Variants in PARD3B observed in about 807,000 individuals in gnomAD.
The protein encoded by PARD3B is partitioning defective 3 homolog B.
A neutral mutation model predicts 130.2 loss-of-function variants in PARD3B; 103 were observed. The observed-to-expected ratio is 0.79, with a 90% CI of 0.67 to 0.93. The LOEUF (loss-of-function observed/expected upper bound fraction) is 0.93. Among genes scored for constraint, PARD3B ranks in the 40% least tolerant of loss-of-function variants. The pLI, the probability that PARD3B is intolerant of heterozygous loss-of-function variation, is 0.00. For synonymous variants in PARD3B, 583 were observed against 553.2 expected (o/e 1.05, Z -0.76); for missense variants, 1,609 against 1,499.2 (o/e 1.07, Z -1.21).
At chr2:204,877,637 G>A (rs929554516) in intron 2 of PARD3B, among the ~76,000 whole-genome samples, 2 of 152,082 alleles carry the variant, frequency 1.3e-5, no homozygotes, top group Non-Finnish European at 1.5e-5. Context: ...CACCAAAGAT[G>A]CCAGGATTCA....
intron 19 of PARD3B, among the ~76,000 whole-genome samples, chr2:205,411,943 C>A (rs561174896): frequency 1.3e-5 from 2 of 152,164 alleles, no homozygotes; most frequent in South Asian, 4.2e-4. Context: ...GTCCACAGGG[C>A]GTGTGACTGC....
At chr2:204,953,118 G>A (rs1689931535) in intron 2 of PARD3B, among the ~76,000 whole-genome samples, 1 of 149,270 alleles carries the variant, frequency 6.7e-6, no homozygotes, top group Admixed American at 6.7e-5. Context: ...AATAATTGAA[G>A]TTTAAACAGC....
At chr2:204,691,291 A>G (rs1220411912) in intron 2 of PARD3B, among the ~76,000 whole-genome samples, 2 of 152,104 alleles carry the variant, frequency 1.3e-5, no homozygotes, top group African/African-American at 2.4e-5. Context: ...TATAAAGTCA[A>G]TTACTGCCAT....
At chr2:205,400,202 C>T (rs1478601158) in intron 18 of PARD3B, among the ~76,000 whole-genome samples, 3 of 152,092 alleles carry the variant, frequency 2.0e-5, no homozygotes, top group Non-Finnish European at 4.4e-5. Flanking sequence ...ATTAATAGGT[C>T]ATCATAATTA....
At chr2:205,333,825 T>G (rs913718078) in intron 18 of PARD3B, among the ~76,000 whole-genome samples, 4 of 151,116 alleles carry the variant, frequency 2.6e-5, no homozygotes, top group East Asian at 3.9e-4. Flanking sequence ...GGTGGGCCTG[T>G]TTTTTTTTCC....
intron 3 of PARD3B, among the ~76,000 whole-genome samples, chr2:204,998,370 GTGTGTA>G (rs758158882): frequency 0.049 from 4,606 of 94,310 alleles, 492 homozygotes; most frequent in Non-Finnish European, 0.069. Context: ...GTGTGTGTGT[GTGTGTA>G]TATATGTGTG....
At chr2:204,744,553 A>G (rs2040138887) in intron 2 of PARD3B, among the ~76,000 whole-genome samples, 1 of 152,182 alleles carries the variant, frequency 6.6e-6, no homozygotes, top group Non-Finnish European at 1.5e-5. Context: ...AAAGAGAGAG[A>G]GGGTTTAATG....
At position 205,550,976 on chromosome 2, in the gene PARD3B, TACACACACACAC is replaced by T. The variant is rs201422555; in HGVS notation, c.3181-2332_3181-2321del. On this transcript the variant is annotated intron_variant, in intron 21 of 22. Coordinates refer to ENST00000406610, the MANE Select transcript of PARD3B (RefSeq NM_001302769.2). This position sits in a 1 kb window ranked among gnomAD's most constrained non-coding sequence, Gnocchi z 4.5. The stretch of plus-strand genomic sequence containing the variant: ...ATGTGTATATATATATATATATATA[TACACACACACAC>T]ACACACACACACACATAATCTGTTC... Among the ~76,000 whole-genome samples the T allele has an allele frequency of 1.1e-4, 14 of 125,572 alleles. No individual in the cohort carries two copies. The highest frequency in any genetic ancestry group is 3.9e-4 in the Admixed American group (5 of 12,752). The allele number at this position is 125,572 out of a possible 152,430, so 82.4% of individuals were successfully genotyped here.
intron 2 of PARD3B, among the ~76,000 whole-genome samples, chr2:204,787,898 A>G (rs571077165): frequency 3.9e-5 from 6 of 152,276 alleles, no homozygotes; most frequent in South Asian, 2.1e-4. Flanking sequence ...GAGTGTGGCT[A>G]TTGAACTGGA....
chr2:204,602,205 T>C (rs1291877499), intron 1 of PARD3B, among the ~76,000 whole-genome samples: 7 of 152,092 alleles, frequency 4.6e-5, no homozygotes, highest in African/African-American at 2.4e-5. Context: ...AAATGACATA[T>C]TGCTTGTGCA....
In PARD3B at chr2:205,478,988, C is replaced by T. The variant is rs1307363729; in HGVS notation, c.3045-20908C>T. ...TGTTATAGCAATTGCCAGCCGAAAA[C>T]AGGAGGCCATAAGAACATGTTACAA... On this transcript the variant is annotated intron_variant, in intron 20 of 22. Transcript: ENST00000406610. Among the ~76,000 whole-genome samples the T allele has an allele frequency of 1.3e-5, 2 of 152,082 alleles. 1 individual carries two copies. Among genetic ancestry groups the T allele is most frequent in the Admixed American group, 1.3e-4 (2 of 15,262 alleles).
chr2:205,459,704 A>G (rs1198035641), intron 20 of PARD3B, among the ~76,000 whole-genome samples: 1 of 152,136 alleles, frequency 6.6e-6, no homozygotes, highest in African/African-American at 2.4e-5. Context: ...GCCTCTTCCC[A>G]TCAGTCTCCC....
At chr2:204,785,347 C>T (rs960799051) in intron 2 of PARD3B, among the ~76,000 whole-genome samples, 9 of 152,078 alleles carry the variant, frequency 5.9e-5, no homozygotes, top group Non-Finnish European at 1.3e-4. Context: ...ATACTTTTCC[C>T]CCAGCCCCTC....
At chr2:205,354,106 G>A (rs542313480) in intron 18 of PARD3B, among the ~76,000 whole-genome samples, 5 of 145,982 alleles carry the variant, frequency 3.4e-5, no homozygotes, top group African/African-American at 1.0e-4. Flanking sequence ...TGACATGAAC[G>A]TGGCTCACTG....
intron 18 of PARD3B, among the ~76,000 whole-genome samples, chr2:205,323,920 A>G (rs558128480): frequency 2.6e-4 from 40 of 152,130 alleles, no homozygotes; most frequent in Non-Finnish European, 4.6e-4. Context: ...CAACATAAGA[A>G]TTATGTTTGT....
intron 2 of PARD3B, among the ~76,000 whole-genome samples, chr2:204,812,904 T>C (rs2043010132): frequency 6.6e-6 from 1 of 152,024 alleles, no homozygotes; most frequent in African/African-American, 2.4e-5. Context: ...TTTCTAGGGG[T>C]AGGGGGTCTC....
chr2:205,368,484 T>C (rs2044689239), intron 18 of PARD3B, among the ~76,000 whole-genome samples: 1 of 151,896 alleles, frequency 6.6e-6, no homozygotes, highest in Non-Finnish European at 1.5e-5. Flanking sequence ...AATACAAAAT[T>C]AGCCGTGCGT....
intron 16 of PARD3B, among the ~76,000 whole-genome samples, chr2:205,283,652 A>G (rs2041276479): frequency 6.6e-6 from 1 of 152,188 alleles, no homozygotes; most frequent in African/African-American, 2.4e-5. Context: ...TCAGTATTCT[A>G]TATCACACTC....
intron 1 of PARD3B, among the ~76,000 whole-genome samples, chr2:204,620,388 C>T (rs970115657): frequency 1.3e-5 from 2 of 152,246 alleles, no homozygotes; most frequent in East Asian, 1.9e-4. Context: ...CCACCTTACC[C>T]GGTCCATGCA....
Sources: gnomAD v4.1 joint callset for allele counts (sites outside exome capture counted in the v4.1 genomes callset) on GRCh38, gnomAD v4.1.1 for gene constraint, Gnocchi (gnomAD v3.1) non-coding constraint, MANE v1.5 for transcripts, NCBI Gene and HGNC (gene_info 2026-07-23, HGNC 2026-07-21) for gene names.